PDZD2: variants seen among roughly 807,000 people sequenced by gnomAD.
PDZD2 encodes the protein PDZ domain-containing protein 2.
Under a neutral mutation model 220.7 loss-of-function variants are expected in PDZD2, and 90 were observed. The observed-to-expected ratio is 0.41, with a 90% confidence interval of 0.34 to 0.49. PDZD2 has a LOEUF of 0.49. Among genes scored for constraint, PDZD2 ranks in the 20% least tolerant of loss-of-function variants. The probability of loss-of-function intolerance (pLI) is 0.28; values close to 1 mark genes in which losing one functional copy is unlikely to be tolerated. For synonymous variants in PDZD2, 1,375 were observed against 1,450.5 expected, an observed-to-expected ratio of 0.95 and a Z score of 1.18; for missense variants, 3,174 against 3,608.5, an observed-to-expected ratio of 0.88 and a Z score of 3.08.
chr5:31,655,761 T>G (rs1745525570), intron 1 of PDZD2, among the ~76,000 whole-genome samples: 1 of 152,210 alleles, frequency 6.6e-6, no homozygotes, highest in South Asian at 2.1e-4. Flanking sequence ...TGGTATTTTT[T>G]GAAGACTCCC....
At chr5:31,683,876 G>A (rs893477789) in intron 1 of PDZD2, among the ~76,000 whole-genome samples, 16 of 152,182 alleles carry the variant, frequency 1.1e-4, no homozygotes, top group African/African-American at 3.4e-4. Flanking sequence ...TTTTAAATTT[G>A]ATACCCAGTG....
chr5:31,918,986 G>C lies in PDZD2; in HGVS notation c.477-64169G>C, dbSNP rs550482023. Among the ~76,000 whole-genome samples, 5 of 152,352 alleles carry C rather than the reference G, an allele frequency of 3.3e-5. No individual in the cohort carries two copies. In the South Asian group the frequency reaches 6.2e-4, roughly 19 times the overall value. ...GTCTTTCACCACGGCTGTGCACTGA[G>C]CTCTCTGTTTTCATTTCCCACTTTC... On this transcript the variant is annotated intron_variant, in intron 2 of 24. Transcript: ENST00000438447.
intron 1 of PDZD2, among the ~76,000 whole-genome samples, chr5:31,727,537 A>G (rs969864889): frequency 2.0e-5 from 3 of 150,678 alleles, no homozygotes; most frequent in Non-Finnish European, 2.9e-5. Flanking sequence ...TGTCTCTACT[A>G]AAAATACAAA....
rs972760546 is a variant in PDZD2 at position 32,109,277 on chromosome 5, C to G, written c.*1142C>G. 6 of 152,054 alleles carry G rather than the reference C, an allele frequency of 3.9e-5. No individual in the cohort carries two copies. The highest frequency in any genetic ancestry group is 1.5e-4 in the African/African-American group (6 of 41,356). The allele number at this position is 152,054 out of a possible 1,614,324, so 9.4% of individuals were successfully genotyped here. On this transcript the variant is annotated 3_prime_UTR_variant, in exon 25 of 25. Coordinates refer to ENST00000438447, the MANE Select transcript of PDZD2 (RefSeq NM_178140.4). ...TAAGTATTGGATCTCTTTTCTTGAC[C>G]TAGTATAATGACAACTGCAGTGACT...
At chr5:31,979,343 G>T (rs531040233) in intron 2 of PDZD2, among the ~76,000 whole-genome samples, 1 of 152,260 alleles carries the variant, frequency 6.6e-6, no homozygotes, top group African/African-American at 2.4e-5. Flanking sequence ...CCTGAGGTGG[G>T]TGGATCACCT....
At chr5:31,718,605 C>T (rs564851684) in intron 1 of PDZD2, among the ~76,000 whole-genome samples, 8 of 152,066 alleles carry the variant, frequency 5.3e-5, no homozygotes, top group Admixed American at 1.3e-4. Flanking sequence ...TCTGTGCTTA[C>T]GCATCCCTGG....
At chr5:32,038,890 T>C (rs1365965318) in intron 7 of PDZD2, among the ~76,000 whole-genome samples, 2 of 152,310 alleles carry the variant, frequency 1.3e-5, no homozygotes, top group East Asian at 3.9e-4. Flanking sequence ...ACACCCTGAC[T>C]TTGAAAGGCT....
chr5:31,770,954 G>A (rs1047955125), intron 1 of PDZD2, among the ~76,000 whole-genome samples: 2 of 152,128 alleles, frequency 1.3e-5, no homozygotes, highest in African/African-American at 4.8e-5. Flanking sequence ...TTGAAAATGT[G>A]TGTGCTTTTT....
chr5:32,064,444 T>C (rs1048306709), intron 14 of PDZD2, among the ~76,000 whole-genome samples: 19 of 151,996 alleles, frequency 1.3e-4, no homozygotes, highest in Non-Finnish European at 2.5e-4. Flanking sequence ...GGTTTCACCA[T>C]GTTGGCTAGG....
At chr5:32,078,839 T>G (rs1741617090) in intron 19 of PDZD2, among the ~76,000 whole-genome samples, 1 of 150,852 alleles carries the variant, frequency 6.6e-6, no homozygotes, top group South Asian at 2.1e-4. Flanking sequence ...TGTGTATGTG[T>G]GTATGTAAAA....
chr5:32,064,212 G>A (rs1269560409), intron 14 of PDZD2, among the ~76,000 whole-genome samples: 12 of 151,878 alleles, frequency 7.9e-5, no homozygotes, highest in African/African-American at 2.9e-4. Flanking sequence ...GACGCACAGA[G>A]GAAAAGAAGG....
chr5:31,904,794 G>A (rs748064138), intron 2 of PDZD2, among the ~76,000 whole-genome samples: 49 of 152,030 alleles, frequency 3.2e-4, no homozygotes, highest in Non-Finnish European at 8.8e-5. Flanking sequence ...TTATTGGAAA[G>A]GTACAGATAC....
chr5:31,970,799 T>C (rs1286758487), intron 2 of PDZD2, among the ~76,000 whole-genome samples: 2 of 152,250 alleles, frequency 1.3e-5, no homozygotes, highest in Non-Finnish European at 2.9e-5. Context: ...AATGTGCTTA[T>C]GATCCAGTAA....
intron 5 of PDZD2, among the ~76,000 whole-genome samples, chr5:32,002,968 A>C (rs1454363024): frequency 1.9e-4 from 14 of 72,402 alleles, no homozygotes; most frequent in East Asian, 4.7e-4. Context: ...ACACACACCA[A>C]CACACACACA....
At chr5:32,104,904 G>C (rs1299416934) in intron 24 of PDZD2, among the ~76,000 whole-genome samples, 1 of 151,924 alleles carries the variant, frequency 6.6e-6, no homozygotes, top group African/African-American at 2.4e-5. Flanking sequence ...GGAGACCAAG[G>C]TGGGCAGATC....
rs185921735 is a variant in PDZD2 at position 31,846,655 on chromosome 5, T to C, written c.476+46931T>C. ...GAAAGTTGATTGGATAGAATTGTCA[T>C]TGTTTAGTTTCAGGACAATTCAAAG... On this transcript the variant is annotated intron_variant, in intron 2 of 24. Transcript: ENST00000438447. Among the ~76,000 whole-genome samples the C allele has an allele frequency of 3.4e-3, 518 of 152,330 alleles. 2 individuals are homozygous for C. The highest frequency in any genetic ancestry group is 0.012 in the African/African-American group (498 of 41,564).
chr5:31,993,181 C>T (rs948798721), intron 3 of PDZD2, among the ~76,000 whole-genome samples: 3 of 152,100 alleles, frequency 2.0e-5, no homozygotes, highest in Non-Finnish European at 2.9e-5. Context: ...AGGCAGCAAA[C>T]CAAAAACCAT....
chr5:31,988,331 T>C (rs542019392), intron 3 of PDZD2, among the ~76,000 whole-genome samples: 1 of 152,268 alleles, frequency 6.6e-6, no homozygotes, highest in South Asian at 2.1e-4. Flanking sequence ...TTTTTTTCTT[T>C]TTTACCTTTA....
intron 2 of PDZD2, among the ~76,000 whole-genome samples, chr5:31,917,115 G>T (rs1482792909): frequency 6.6e-6 from 1 of 152,204 alleles, no homozygotes; most frequent in Admixed American, 6.5e-5. Flanking sequence ...GCCAGTTGAA[G>T]TGTTTAGTGG....
Sources: gnomAD v4.1 joint callset for allele counts (sites outside exome capture counted in the v4.1 genomes callset) on GRCh38, gnomAD v4.1.1 for gene constraint, MANE v1.5 for transcripts, NCBI Gene and HGNC (gene_info 2026-07-23, HGNC 2026-07-21) for gene names.